ALDH6A1: variants seen among roughly 807,000 people sequenced by gnomAD.
The protein encoded by ALDH6A1 is aldehyde dehydrogenase 6 family member A1, also known as methylmalonate-semialdehyde/malonate-semialdehyde dehydrogenase [acylating], mitochondrial.
ALDH6A1 carries 43 observed loss-of-function variants against 62.6 expected under a neutral mutation model. The ratio of observed to expected loss-of-function variants is 0.69; its 90% CI spans 0.54 to 0.89. The LOEUF (loss-of-function observed/expected upper bound fraction) is 0.89. Ranked by LOEUF, ALDH6A1 falls within the 40% of genes least tolerant of loss-of-function variation. The pLI is 0.00. For synonymous variants in ALDH6A1, 194 were observed against 234.2 expected (o/e 0.83, Z 1.57); for missense variants, 551 against 661.3 (o/e 0.83, Z 1.83).
At chr14:74,069,561 G>A (rs2060520640) in intron 6 of ALDH6A1, among the ~76,000 whole-genome samples, 1 of 151,788 alleles carries the variant, frequency 6.6e-6, no homozygotes, top group African/African-American at 2.4e-5. Flanking sequence ...GACCTTCCTA[G>A]CCAATATGGT....
rs539178493 is a variant in ALDH6A1, at chr14:74,077,720, T to C, written c.49-2703A>G. Among the ~76,000 whole-genome samples the C allele has an allele frequency of 9.2e-5, 14 of 152,222 alleles. 1 individual carries two copies. The highest frequency in any genetic ancestry group is 3.1e-4 in the African/African-American group (13 of 41,538). Reference sequence around the variant, plus strand: ...CCCACTAGGTCCCAACACTATCACATTGGAGATTAAATTTCAACATGAGTT... The same window carrying C: ...CCCACTAGGTCCCAACACTATCACACTGGAGATTAAATTTCAACATGAGTT... On this transcript the variant is annotated intron_variant, in intron 1 of 11. Transcript: ENST00000553458.
At position 74,071,434 on chromosome 14, in the gene ALDH6A1, G is replaced by T; in HGVS notation, c.491C>A (p.Thr164Asn). Residue 164 changes from threonine to asparagine, a missense_variant, in exon 6 of 12, where the codon ACC (threonine) becomes AAC (asparagine). Transcript: ENST00000553458. The stretch of plus-strand genomic sequence containing the variant: ...GTAGGAATAAAGGTCCATGTCTTTG[G>T]TGATGGATGGCATGGTCTCTCCCAT... ...LMMGETMPSI[T>N]KDMDLYSYRL... is the part of the protein sequence containing the mutation. 6.2e-7 allele frequency: 1 copy of T among 1,614,172 alleles called. No individual in the cohort carries two copies. Among genetic ancestry groups the T allele is most frequent in the East Asian group, 2.2e-5 (1 of 44,886 alleles).
rs376309108 is a variant in ALDH6A1, at chr14:74,057,283, C to T, written c.*3359G>A. 1.9e-6 allele frequency: 3 copies of T among 1,613,928 alleles called. No homozygotes were observed. Among genetic ancestry groups the T allele is most frequent in the African/African-American group, 1.3e-5 (1 of 74,942 alleles). ...AGTAAGGAGTCTGTATCTAATCAAA[C>T]AATGTATATTGTTGTCACCCTTCCC... On this transcript the variant is annotated 3_prime_UTR_variant, in exon 12 of 12. Coordinates refer to ENST00000553458, the MANE Select transcript of ALDH6A1 (RefSeq NM_005589.4).
rs1219984516 is a variant in ALDH6A1, at chr14:74,071,197, T to A, written c.728A>T (p.Glu243Val). Residue 243 changes from glutamate (E) to valine (V), a missense_variant and splice_region_variant, in exon 6 of 12, where the codon GAA (glutamate) becomes GTA (valine). Physicochemically the swap from Glu to Val is moderately radical, Grantham distance 121. Coordinates refer to ENST00000553458, the MANE Select transcript of ALDH6A1 (RefSeq NM_005589.4). ...GCCATATGCATAAGGGCAGTTACCT[T>A]CATGCTGTCCATGGATGATGTTTAA... Reference protein sequence around the residue: ...GTLNIIHGQHEAVNFICDHPD... With the variant: ...GTLNIIHGQHVAVNFICDHPD... The A allele has an allele frequency of 6.2e-7, 1 of 1,614,078 alleles. No homozygotes were observed. Among genetic ancestry groups the A allele is most frequent in the Non-Finnish European group, 8.5e-7 (1 of 1,179,942 alleles).
At position 74,072,617 on chromosome 14, in the gene ALDH6A1, A is replaced by AC; in HGVS notation, c.112-7_112-6insG. 6.2e-7 allele frequency: 1 copy of AC among 1,611,584 alleles called. No individual in the cohort carries two copies. Among genetic ancestry groups the AC allele is most frequent in the African/African-American group, 1.4e-5 (1 of 73,804 alleles). On this transcript the variant is annotated splice_polypyrimidine_tract_variant and splice_region_variant and intron_variant, in intron 2 of 11. Transcript: ENST00000553458. ...ATGAAGAGCTTTACAGTTGGCTGAA[A>AC]AAAACAAACAAACAAACAAACAAAC...
intron 7 of ALDH6A1, 71 bp downstream of exon 7, chr14:74,068,789 G>T: frequency 1.9e-6 from 3 of 1,562,546 alleles, no homozygotes; most frequent in Non-Finnish European, 2.6e-6. Flanking sequence ...TGGCCTCTCT[G>T]CTGAAGGTCT....
intron 11 of ALDH6A1, among the ~76,000 whole-genome samples, chr14:74,062,422 C>T (rs1430147870): frequency 1.3e-5 from 2 of 151,890 alleles, no homozygotes; most frequent in Non-Finnish European, 2.9e-5. Context: ...GCCAACATGG[C>T]GAAACCCCGT....
chr14:74,062,051 GAAAAAAAAAAAA>G (rs369414700), intron 11 of ALDH6A1, among the ~76,000 whole-genome samples: 44 of 59,618 alleles, frequency 7.4e-4, no homozygotes, highest in South Asian at 4.9e-3. Flanking sequence ...TCTCTACTGG[GAAAAAAAAAAAA>G]AAAAAAAAAA....
chr14:74,080,785 AG>A (rs2060661733), intron 1 of ALDH6A1, among the ~76,000 whole-genome samples: 1 of 152,128 alleles, frequency 6.6e-6, no homozygotes, highest in Non-Finnish European at 1.5e-5. Flanking sequence ...CCATAATCAG[AG>A]GGTCTTTCTG....
Position 74,056,886 on chromosome 14 carries a change from T to C in ALDH6A1, c.*3756A>G, listed in dbSNP as rs2060223884. 1.3e-6 allele frequency: 2 copies of C among 1,574,160 alleles called. No individual in the cohort carries two copies. The highest frequency in any genetic ancestry group is 1.7e-6 in the Non-Finnish European group (2 of 1,145,630). On this transcript the variant is annotated 3_prime_UTR_variant, in exon 12 of 12. Transcript: ENST00000553458. ...GACACTGCCTCATTCATTATCTTTG[T>C]TGACTTTTACCCACTACAGGAAATA...
intron 11 of ALDH6A1, 75 bp from the exon 12 acceptor site, chr14:74,060,821 A>C: frequency 9.1e-7 from 1 of 1,104,186 alleles, no homozygotes; most frequent in South Asian, 1.3e-5. Flanking sequence ...CTTTTGAAGG[A>C]GGTATTATAA....
chr14:74,075,097 A>G, intron 1 of ALDH6A1, 80 bp from the exon 2 acceptor site: 1 of 1,315,332 alleles, frequency 7.6e-7, no homozygotes, highest in Non-Finnish European at 1.1e-6. Context: ...ACTATATGCT[A>G]TTTGCTATAG....
chr14:74,057,367 T>A lies in ALDH6A1; in HGVS notation c.*3275A>T. ...TCTACTAGTTGAGAGACTTCAGGGATCAGTGGAATGAGTAATAAATAGCAT... is the reference window on the plus strand; with the variant it reads ...TCTACTAGTTGAGAGACTTCAGGGAACAGTGGAATGAGTAATAAATAGCAT... On this transcript the variant is annotated 3_prime_UTR_variant, in exon 12 of 12. Transcript: ENST00000553458. The A allele has an allele frequency of 6.4e-7, 1 of 1,568,716 alleles. No individual in the cohort carries two copies. Among genetic ancestry groups the A allele is most frequent in the Non-Finnish European group, 8.6e-7 (1 of 1,156,606 alleles).
chr14:74,063,858 T>C (rs1156246992), intron 11 of ALDH6A1, among the ~76,000 whole-genome samples: 1 of 119,716 alleles, frequency 8.4e-6, no homozygotes, highest in Non-Finnish European at 1.7e-5. Context: ...AGAGTGAGAC[T>C]CTGTCTCAAA....
In ALDH6A1 at chr14:74,058,620, T is replaced by C. The variant is rs1205062824; in HGVS notation, c.*2022A>G. On this transcript the variant is annotated 3_prime_UTR_variant, in exon 12 of 12. Transcript: ENST00000553458. ...TCTTTTTTTTTTTTATCATACTTAATTCATGAATAACCCCCATAGTGTAGG... is the reference window on the plus strand; with the variant it reads ...TCTTTTTTTTTTTTATCATACTTAACTCATGAATAACCCCCATAGTGTAGG... The C allele has an allele frequency of 1.3e-5, 2 of 151,376 alleles. No homozygotes were observed. The highest frequency in any genetic ancestry group is 4.9e-5 in the African/African-American group (2 of 41,128). 9.4% of individuals were successfully genotyped at this position (151,376 alleles called of 1,614,324 possible). A position where few individuals can be genotyped will look rare whatever the true frequency, so the allele number is the denominator to read the frequency against.
Position 74,065,189 on chromosome 14 carries a change from C to T in ALDH6A1, c.1396G>A (p.Val466Ile). ...AAATTCTGTTCACGAACCTGTCCAA[C>T]ATCCACCAAGTGGGCATATTTCCGA... ...TARKYAHLVD[V>I]GQVGVNVPIP... The change falls in exon 10 of 12, where the codon GTT (valine) becomes ATT (isoleucine). Residue 466 changes from valine (V) to isoleucine (I), a missense_variant. By Grantham distance (29) the Val-to-Ile change is conservative (BLOSUM62 3). Transcript: ENST00000553458. The T allele has an allele frequency of 6.2e-7, 1 of 1,614,162 alleles. No homozygotes were observed. The highest frequency in any genetic ancestry group is 8.5e-7 in the Non-Finnish European group (1 of 1,180,020).
intron 11 of ALDH6A1, among the ~76,000 whole-genome samples, chr14:74,062,598 CA>C (rs887600653): frequency 2.0e-5 from 3 of 151,994 alleles, no homozygotes; most frequent in African/African-American, 4.8e-5. Flanking sequence ...AAGATTCCAT[CA>C]AAAAAACCCC....
At chr14:74,067,281 T>C in intron 8 of ALDH6A1, 99 bp downstream of exon 8, 1 of 1,340,102 alleles carries the variant, frequency 7.5e-7, no homozygotes, top group Admixed American at 1.7e-5. Flanking sequence ...ATGGCAAGAA[T>C]AGACATGATT....
At position 74,064,745 on chromosome 14, in the gene ALDH6A1, T is replaced by C. The variant is rs2060431251; in HGVS notation, c.1503+77A>G. 7 of 1,612,280 alleles carry C rather than the reference T, an allele frequency of 4.3e-6. No homozygotes were observed. The East Asian group carries it at 1.3e-4, about 31-fold the overall frequency. ...ACAGATGCTGCTGGCAGTCCCTTCC[T>C]TGCAGAATCCTTGCTCCTGAATATC... is the stretch of plus-strand genomic sequence containing the variant. On this transcript the variant is annotated intron_variant, in intron 11 of 11. Transcript: ENST00000553458.
Sources: gnomAD v4.1 joint callset for allele counts (sites outside exome capture counted in the v4.1 genomes callset) on GRCh38, gnomAD v4.1.1 for gene constraint, MANE v1.5 for transcripts, NCBI Gene and HGNC (gene_info 2026-07-23, HGNC 2026-07-21) for gene names.